Variants in DOK6 observed in about 807,000 individuals in gnomAD.
DOK6 encodes the protein downstream of tyrosine kinase 6.
In DOK6, 22 loss-of-function variants were observed where a neutral mutation model predicts 44.0. The observed-to-expected ratio is 0.50, with a 90% CI of 0.36 to 0.71. The LOEUF (loss-of-function observed/expected upper bound fraction) is 0.71. DOK6 is among the 30% of genes least tolerant of loss of function. The pLI is 0.00. For missense variants in DOK6, 340 were observed against 416.4 expected (o/e 0.82, Z 1.60); for synonymous variants, 166 against 145.5 (o/e 1.14, Z -1.01).
At chr18:69,835,489 A>G (rs917953868) in intron 7 of DOK6, among the ~76,000 whole-genome samples, 2 of 71,030 alleles carry the variant, frequency 2.8e-5, no homozygotes, top group African/African-American at 7.1e-5. Context: ...AACAACAAAA[A>G]AAAAAACAGC....
chr18:69,559,099 T>A (rs1232105444), intron 1 of DOK6, among the ~76,000 whole-genome samples: 6 of 152,152 alleles, frequency 3.9e-5, no homozygotes. Flanking sequence ...AGCAAAGAGA[T>A]AAGATGCTGT....
intron 3 of DOK6, among the ~76,000 whole-genome samples, chr18:69,667,631 C>T (rs563520190): frequency 6.6e-6 from 1 of 152,182 alleles, no homozygotes; most frequent in Non-Finnish European, 1.5e-5. Context: ...GTCAGCTACT[C>T]TCTCCTCCTT....
chr18:69,677,679 C>T, intron 3 of DOK6, 55 bp from the exon 4 acceptor site: 1 of 1,608,068 alleles, frequency 6.2e-7, no homozygotes, highest in South Asian at 1.1e-5. Context: ...AAATATTCTT[C>T]TTCCATCATT....
chr18:69,521,762 G>A (rs929812642), intron 1 of DOK6, among the ~76,000 whole-genome samples: 1 of 151,874 alleles, frequency 6.6e-6, no homozygotes, highest in African/African-American at 2.4e-5. Context: ...ACCGTAGAGT[G>A]ACTATAGGTA....
At chr18:69,541,761 G>A (rs1381561434) in intron 1 of DOK6, among the ~76,000 whole-genome samples, 1 of 151,454 alleles carries the variant, frequency 6.6e-6, no homozygotes, top group East Asian at 1.9e-4. Flanking sequence ...GGCAAATAGA[G>A]CATAGGAGAA....
At chr18:69,833,913 C>T (rs1485555124) in intron 7 of DOK6, among the ~76,000 whole-genome samples, 3 of 152,224 alleles carry the variant, frequency 2.0e-5, no homozygotes, top group African/African-American at 4.8e-5. Flanking sequence ...ATAACAAATG[C>T]TGTCAAGGAT....
chr18:69,477,636 GT>G (rs1005749148), intron 1 of DOK6, among the ~76,000 whole-genome samples: 1 of 152,122 alleles, frequency 6.6e-6, no homozygotes, highest in Non-Finnish European at 1.5e-5. Context: ...TTCTATGCAT[GT>G]TTTAAAATTC....
chr18:69,586,857 G>A (rs1040135941), intron 2 of DOK6, among the ~76,000 whole-genome samples: 1 of 152,110 alleles, frequency 6.6e-6, no homozygotes. Flanking sequence ...TCAATCACCT[G>A]CCCAGCCTCT....
intron 6 of DOK6, among the ~76,000 whole-genome samples, chr18:69,755,114 A>C (rs1187705740): frequency 1.3e-5 from 2 of 152,226 alleles, no homozygotes; most frequent in Non-Finnish European, 2.9e-5. Flanking sequence ...GAATATCATT[A>C]AAAGCATCCT....
chr18:69,562,184 A>G (rs923476615), intron 1 of DOK6, among the ~76,000 whole-genome samples: 1 of 152,220 alleles, frequency 6.6e-6, no homozygotes, highest in Non-Finnish European at 1.5e-5. Flanking sequence ...TGGAAAGTAG[A>G]TAATGAACAA....
intron 1 of DOK6, among the ~76,000 whole-genome samples, chr18:69,433,084 A>C (rs887984282): frequency 1.3e-5 from 2 of 152,206 alleles, no homozygotes; most frequent in African/African-American, 4.8e-5. Flanking sequence ...CTAGAAACAG[A>C]AGCTCTCTTC....
chr18:69,479,423 G>GT (rs1980357948), intron 1 of DOK6, among the ~76,000 whole-genome samples: 2 of 152,232 alleles, frequency 1.3e-5, no homozygotes, highest in Admixed American at 1.3e-4. Flanking sequence ...ATATAAAAGG[G>GT]ATGTCGAGCC....
chr18:69,713,095 A>G (rs886831755), intron 5 of DOK6, among the ~76,000 whole-genome samples: 2 of 152,162 alleles, frequency 1.3e-5, no homozygotes, highest in African/African-American at 4.8e-5. Flanking sequence ...CTGAGTTTCT[A>G]TTATTTCAGA....
chr18:69,542,789 G>A (rs1313334735), intron 1 of DOK6, among the ~76,000 whole-genome samples: 1 of 151,456 alleles, frequency 6.6e-6, no homozygotes, highest in African/African-American at 2.4e-5. Flanking sequence ...AGCCTCTGAA[G>A]CTTTCATGAC....
At chr18:69,592,896 A>C (rs1423923760) in intron 2 of DOK6, among the ~76,000 whole-genome samples, 1 of 152,206 alleles carries the variant, frequency 6.6e-6, no homozygotes, top group Non-Finnish European at 1.5e-5. Flanking sequence ...TAAAAACATA[A>C]TTTTAAAACA....
chr18:69,584,070 T>G (rs1429618709), intron 2 of DOK6, among the ~76,000 whole-genome samples: 8 of 134,022 alleles, frequency 6.0e-5, no homozygotes, highest in Non-Finnish European at 9.2e-5. Context: ...ATCGCGCCAC[T>G]GCACTCCAGC....
At chr18:69,598,059 G>A (rs1178003041) in intron 2 of DOK6, among the ~76,000 whole-genome samples, 1 of 152,050 alleles carries the variant, frequency 6.6e-6, no homozygotes, top group East Asian at 1.9e-4. Flanking sequence ...TTACTCGCCT[G>A]TGATTTTTAG....
intron 1 of DOK6, chr18:69,469,982 C>A: frequency 5.5e-6 from 1 of 182,918 alleles, no homozygotes; most frequent in Non-Finnish European, 1.2e-5. Context: ...ATCTCCCCTA[C>A]CCGCTGGGTA....
In DOK6 at chr18:69,755,348, T is replaced by C. The variant is rs1051581087; in HGVS notation, c.739-2408T>C. Among the ~76,000 whole-genome samples, 3 of 152,178 alleles carry C rather than the reference T, an allele frequency of 2.0e-5. No individual in the cohort carries two copies. The East Asian group carries it at 5.8e-4, about 29-fold the overall frequency. ...AAAAAAAAGAGAAGAAAAAGCACTT[T>C]CATCACATTTTGGAAAGATTAATTT... On this transcript the variant is annotated intron_variant, in intron 6 of 7. Coordinates refer to ENST00000382713, the MANE Select transcript of DOK6 (RefSeq NM_152721.6).
Sources: gnomAD v4.1 joint callset for allele counts (sites outside exome capture counted in the v4.1 genomes callset) on GRCh38, gnomAD v4.1.1 for gene constraint, MANE v1.5 for transcripts, NCBI Gene and HGNC (gene_info 2026-07-23, HGNC 2026-07-21) for gene names.